The following SIL1 variants were observed in gnomAD, a reference collection of about 807,000 sequenced individuals.
SIL1 encodes SIL1 nucleotide exchange factor.
A neutral mutation model predicts 49.1 loss-of-function variants in SIL1; 40 were observed. The observed-to-expected ratio is 0.81, with a 90% CI of 0.63 to 1.06. The LOEUF (loss-of-function observed/expected upper bound fraction) is 1.06. Among genes scored for constraint, SIL1 ranks in the 50% least tolerant of loss-of-function variants. The pLI, the probability that SIL1 is intolerant of heterozygous loss-of-function variation, is 0.00. For synonymous variants in SIL1, 253 were observed against 250.8 expected, an observed-to-expected ratio of 1.01 and a Z score of -0.08; for missense variants, 500 against 572.6, an observed-to-expected ratio of 0.87 and a Z score of 1.29.
intron 1 of SIL1, among the ~76,000 whole-genome samples, chr5:139,145,467 G>C (rs1178428947): frequency 6.6e-6 from 1 of 152,158 alleles, no homozygotes; most frequent in Admixed American, 6.6e-5. Context: ...GCAATTCTTT[G>C]CTTAAGTAGA....
chr5:139,101,109 T>G (rs1243243274), intron 3 of SIL1, among the ~76,000 whole-genome samples: 1 of 151,940 alleles, frequency 6.6e-6, no homozygotes, highest in Non-Finnish European at 1.5e-5. Context: ...ATGTAGCAAG[T>G]TTTTTTTCTC....
chr5:138,973,006 G>A (rs1767315011), intron 7 of SIL1, among the ~76,000 whole-genome samples: 2 of 152,154 alleles, frequency 1.3e-5, no homozygotes, highest in African/African-American at 2.4e-5. Context: ...GCATGGAGCT[G>A]AGGCTGGCCA....
chr5:139,109,527 G>A (rs902277279), intron 3 of SIL1, among the ~76,000 whole-genome samples: 1 of 151,770 alleles, frequency 6.6e-6, no homozygotes, highest in East Asian at 1.9e-4. Flanking sequence ...TCATGACCCC[G>A]CAGATTCCAT....
intron 1 of SIL1, among the ~76,000 whole-genome samples, chr5:139,168,194 T>A (rs190513692): frequency 1.3e-5 from 2 of 152,312 alleles, no homozygotes; most frequent in East Asian, 3.9e-4. Context: ...AAGTACACTT[T>A]ATGAGGTTTG....
intron 3 of SIL1, among the ~76,000 whole-genome samples, chr5:139,056,283 C>T (rs553900072): frequency 2.0e-5 from 3 of 151,178 alleles, no homozygotes; most frequent in Non-Finnish European, 4.4e-5. Context: ...TCTGCCCGGC[C>T]GCCCATCGTC....
rs1167131943 is a variant in SIL1, at chr5:139,112,422, A to G, written c.244+8613T>C. On this transcript the variant is annotated intron_variant, in intron 3 of 9. Coordinates refer to ENST00000394817, the MANE Select transcript of SIL1 (RefSeq NM_022464.5). ...GAGGAGCGTCTCTGCCCGGCTGCCCATCGTCTGAGATGTAGGGAGCGCCTC... is the reference window on the plus strand; with the variant it reads ...GAGGAGCGTCTCTGCCCGGCTGCCCGTCGTCTGAGATGTAGGGAGCGCCTC... Among the ~76,000 whole-genome samples, 3 of 144,132 alleles carry G rather than the reference A, an allele frequency of 2.1e-5. No individual in the cohort carries two copies. In the East Asian group the frequency reaches 6.3e-4, roughly 30 times the overall value. 94.6% of individuals were successfully genotyped at this position (144,132 alleles called of 152,430 possible).
intron 3 of SIL1, among the ~76,000 whole-genome samples, chr5:139,094,055 A>G (rs1177244799): frequency 6.6e-6 from 1 of 152,264 alleles, no homozygotes; most frequent in African/African-American, 2.4e-5. Context: ...CCAGGAAAGT[A>G]GTAAATGAAG....
Position 138,947,139 on chromosome 5 carries a change from C to G in SIL1, c.1364G>C (p.Ser455Thr). ...YFQELLGSVN[S>T]LLKELR is the part of the protein sequence containing the mutation. ...GCCTCATCTCAGCTCCTTCAGCAAG[C>G]TGTTGACAGAGCCCAGCAGCTCCTG... Residue 455 changes from serine to threonine, a missense_variant, in exon 10 of 10, where the codon AGC (serine) becomes ACC (threonine). Physicochemically the swap from Ser to Thr is moderately conservative, Grantham distance 58. Transcript: ENST00000394817. The surrounding 1 kb of genome is among the most constrained non-coding windows in gnomAD (Gnocchi z 4.1). 1 of 1,613,604 alleles carries G rather than the reference C, an allele frequency of 6.2e-7. No individual in the cohort carries two copies.
rs1766646395 is a variant in SIL1, at chr5:138,947,113, G to GGC, written c.*2_*3dup. On this transcript the variant is annotated 3_prime_UTR_variant, in exon 10 of 10. Coordinates refer to ENST00000394817, the MANE Select transcript of SIL1 (RefSeq NM_022464.5). This position sits in a 1 kb window ranked among gnomAD's most constrained non-coding sequence, Gnocchi z 4.1. The stretch of plus-strand genomic sequence containing the variant: ...GCATCCCAGTCCAGTCCTGGTGTGG[G>GGC]GCCTCATCTCAGCTCCTTCAGCAAG... The GGC allele has an allele frequency of 1.2e-6, 2 of 1,609,524 alleles. No individual in the cohort carries two copies.
chr5:139,085,479 G>A (rs921190888), intron 3 of SIL1, among the ~76,000 whole-genome samples: 2 of 152,176 alleles, frequency 1.3e-5, no homozygotes, highest in Non-Finnish European at 2.9e-5. Flanking sequence ...AACTAGGTAG[G>A]GAGCTGTTGG....
intron 7 of SIL1, among the ~76,000 whole-genome samples, chr5:138,992,125 G>A (rs1248331332): frequency 1.3e-5 from 2 of 152,188 alleles, no homozygotes; most frequent in African/African-American, 2.4e-5. Context: ...ATCACTACAC[G>A]ACTATGGGTG....
chr5:139,080,593 G>A (rs1174942171), intron 3 of SIL1, among the ~76,000 whole-genome samples: 1 of 152,100 alleles, frequency 6.6e-6, no homozygotes, highest in Non-Finnish European at 1.5e-5. Flanking sequence ...ATTTTGTTCA[G>A]GGTCTATTAC....
At chr5:139,033,123 A>C (rs1241933643) in intron 5 of SIL1, among the ~76,000 whole-genome samples, 1 of 152,048 alleles carries the variant, frequency 6.6e-6, no homozygotes, top group Non-Finnish European at 1.5e-5. Flanking sequence ...TCTCCCGAGT[A>C]GCTCGGACTA....
At chr5:139,064,832 C>A (rs1416113947) in intron 3 of SIL1, among the ~76,000 whole-genome samples, 1 of 152,172 alleles carries the variant, frequency 6.6e-6, no homozygotes, top group Non-Finnish European at 1.5e-5. Context: ...ACCTATGACT[C>A]ATCTGCAGAA....
intron 7 of SIL1, among the ~76,000 whole-genome samples, chr5:138,974,057 G>A (rs1287196704): frequency 1.3e-5 from 2 of 152,058 alleles, no homozygotes; most frequent in Non-Finnish European, 2.9e-5. Context: ...TGCACCCCTT[G>A]ATATCAAATT....
intron 3 of SIL1, among the ~76,000 whole-genome samples, chr5:139,067,857 T>C (rs1278930748): frequency 6.6e-6 from 1 of 152,238 alleles, no homozygotes; most frequent in African/African-American, 2.4e-5. Context: ...ATTTATCTAA[T>C]AGAAATGTTC....
intron 3 of SIL1, among the ~76,000 whole-genome samples, chr5:139,081,816 T>C (rs1470211842): frequency 6.6e-6 from 1 of 151,482 alleles, no homozygotes; most frequent in Non-Finnish European, 1.5e-5. Flanking sequence ...GAGGCAGAGG[T>C]TGCAGTGAGC....
intron 7 of SIL1, among the ~76,000 whole-genome samples, chr5:138,973,788 G>A (rs1239101745): frequency 6.6e-6 from 1 of 152,010 alleles, no homozygotes; most frequent in Admixed American, 6.6e-5. Flanking sequence ...GTCCCACTAT[G>A]TTGCCCAGGC....
chr5:139,031,730 G>A (rs975754161), intron 5 of SIL1, among the ~76,000 whole-genome samples: 4 of 152,054 alleles, frequency 2.6e-5, no homozygotes, highest in Non-Finnish European at 5.9e-5. Flanking sequence ...TTCAATCCAT[G>A]GACACAGTGT....
Sources: allele counts gnomAD v4.1 joint callset (sites outside exome capture counted in the v4.1 genomes callset), GRCh38; gene constraint gnomAD v4.1.1; non-coding constraint Gnocchi (gnomAD v3.1); transcripts MANE v1.5; gene names NCBI Gene and HGNC (gene_info 2026-07-23, HGNC 2026-07-21).